TMEM150B: variants seen among roughly 807,000 people sequenced by gnomAD.
The protein encoded by TMEM150B is modulator of macroautophagy TMEM150B.
In TMEM150B, 33 loss-of-function variants were observed where a neutral mutation model predicts 25.2. The ratio of observed to expected loss-of-function variants is 1.31; its 90% CI spans 0.99 to 1.75. The LOEUF is 1.75. Among genes scored for constraint, TMEM150B ranks in the 40% most tolerant of loss-of-function variants. TMEM150B has a pLI of 0.00. For synonymous variants in TMEM150B, 133 were observed against 134.8 expected (o/e 0.99, Z 0.09); for missense variants, 322 against 306.1 (o/e 1.05, Z -0.39).
chr19:55,319,409 G>A (rs10420693), intron 6 of TMEM150B: 54,969 of 143,754 alleles, frequency 0.38, 11,080 homozygotes, highest in South Asian at 0.45. Flanking sequence ...CACAGAGCCC[G>A]GCCAGTAATT....
intron 6 of TMEM150B, among the ~76,000 whole-genome samples, chr19:55,318,397 T>C (rs2089076566): frequency 6.6e-6 from 1 of 151,172 alleles, no homozygotes. Flanking sequence ...TTTGGGAGGC[T>C]GAGGTGGGTG....
downstream of TMEM150B, among the ~76,000 whole-genome samples, chr19:55,310,020 G>A (rs2088748127): frequency 6.6e-6 from 1 of 152,228 alleles, no homozygotes; most frequent in East Asian, 1.9e-4. This position sits in a 1 kb window ranked among gnomAD's most constrained non-coding sequence, Gnocchi z 5.0. Context: ...AGCCAGGGCA[G>A]CTTTGGCCTT....
intron 6 of TMEM150B, among the ~76,000 whole-genome samples, chr19:55,317,608 T>C (rs905424463): frequency 2.6e-4 from 39 of 151,912 alleles, no homozygotes; most frequent in African/African-American, 8.4e-4. Context: ...GGTGAAACCC[T>C]GTCTCTACTA....
At chr19:55,314,804 T>G (rs1220902567) in intron 7 of TMEM150B, among the ~76,000 whole-genome samples, 1 of 152,186 alleles carries the variant, frequency 6.6e-6, no homozygotes, top group Non-Finnish European at 1.5e-5. Flanking sequence ...GAAGATACAC[T>G]TTGTCACTCC....
At chr19:55,323,795 G>A (rs753697348) in intron 1 of TMEM150B, among the ~76,000 whole-genome samples, 3 of 126,668 alleles carry the variant, frequency 2.4e-5, no homozygotes, top group South Asian at 2.7e-4. Context: ...GAGACACTGC[G>A]CCCAACCTTT....
At chr19:55,318,588 A>C (rs976811964) in intron 6 of TMEM150B, among the ~76,000 whole-genome samples, 6 of 152,190 alleles carry the variant, frequency 3.9e-5, no homozygotes, top group African/African-American at 1.4e-4. Flanking sequence ...GTGAGCCAAG[A>C]TCGCACTACT....
At chr19:55,324,917 C>T (rs2089295338) in intron 1 of TMEM150B, 2 of 984,662 alleles carry the variant, frequency 2.0e-6, no homozygotes, top group Admixed American at 6.1e-5. Flanking sequence ...AAGGAAGTCA[C>T]ACAAAGCTAT....
intron 7 of TMEM150B, among the ~76,000 whole-genome samples, chr19:55,315,821 G>C (rs922845394): frequency 2.0e-5 from 3 of 151,188 alleles, no homozygotes; most frequent in Non-Finnish European, 4.4e-5. Context: ...TCCCAGCTAC[G>C]TGGAAGGCTG....
intron 7 of TMEM150B, 90 bp from the exon 8 acceptor site, chr19:55,313,145 C>T (rs1236768683): frequency 7.4e-7 from 1 of 1,354,664 alleles, no homozygotes; most frequent in Non-Finnish European, 1.0e-6. Flanking sequence ...CGGAGGCCGT[C>T]TCTGGGTGTC....
Position 55,320,993 on chromosome 19 carries a change from C to T in TMEM150B, c.44G>A (p.Trp15Ter). ...LSLMPVFLAV[W>*]AISGVWIVFA... ...CACGATCCAGACGCCAGAGATAGCC[C>T]AGACAGCTAGGAAGACAGGCATCAG... is the stretch of plus-strand genomic sequence containing the variant. Residue 15 changes from tryptophan (W) to a stop codon, truncating the protein, a stop_gained, in exon 3 of 8, where the codon TGG (tryptophan) becomes TAG (stop). Transcript: ENST00000326652. LOFTEE classifies it high-confidence loss of function. The T allele has an allele frequency of 6.2e-7, 1 of 1,613,970 alleles. No individual in the cohort carries two copies. Among genetic ancestry groups the T allele is most frequent in the Non-Finnish European group, 8.5e-7 (1 of 1,179,914 alleles).
At chr19:55,311,110 T>C (rs1455297284), downstream of TMEM150B, among the ~76,000 whole-genome samples, 1 of 152,060 alleles carries the variant, frequency 6.6e-6, no homozygotes, top group Non-Finnish European at 1.5e-5. Flanking sequence ...TACAGGTGCG[T>C]GCCACCACAC....
chr19:55,320,078 A>C lies in TMEM150B; in HGVS notation c.285T>G (p.Leu95=). ...WPNQLILWTG[L]LCALGTSVVG... is the part of the protein sequence containing the mutation. The stretch of plus-strand genomic sequence containing the variant: ...CCACGGAGGTGCCCAGGGCACACAG[A>C]AGACCCGTCCATAGGATCAGCTGGT... Residue 95 remains leucine (L), a synonymous_variant, in exon 6 of 8, where the codon CTT becomes CTG. Transcript: ENST00000326652. The C allele has an allele frequency of 6.2e-7, 1 of 1,614,126 alleles. No individual in the cohort carries two copies. The highest frequency in any genetic ancestry group is 8.5e-7 in the Non-Finnish European group (1 of 1,180,020).
chr19:55,320,215 C>T (rs1326085365), intron 5 of TMEM150B, 49 bp from the exon 6 acceptor site: 3 of 1,596,578 alleles, frequency 1.9e-6, no homozygotes, highest in African/African-American at 2.7e-5. Flanking sequence ...ACCAAGAACT[C>T]CTGGGACCCA....
intron 7 of TMEM150B, 80 bp downstream of exon 7, chr19:55,316,706 C>T: frequency 2.3e-6 from 3 of 1,297,580 alleles, no homozygotes; most frequent in Non-Finnish European, 3.0e-6. Context: ...GAGACATCCC[C>T]AGTGACAGAC....
intron 7 of TMEM150B, among the ~76,000 whole-genome samples, chr19:55,315,156 A>G (rs1325391422): frequency 1.3e-5 from 2 of 151,698 alleles, no homozygotes; most frequent in Non-Finnish European, 2.9e-5. Context: ...TCTCTACTAA[A>G]AACACAAAAA....
intron 7 of TMEM150B, 147 bp from the exon 8 acceptor site, chr19:55,313,202 C>G (rs939968868): frequency 2.5e-6 from 2 of 806,120 alleles, no homozygotes; most frequent in African/African-American, 3.5e-5. Flanking sequence ...ACAGACGGGG[C>G]CTCGCCTTGG....
At chr19:55,322,454 C>G (rs968140711) in intron 2 of TMEM150B, among the ~76,000 whole-genome samples, 194 bp downstream of exon 2, 1 of 152,112 alleles carries the variant, frequency 6.6e-6, no homozygotes, top group African/African-American at 2.4e-5. Context: ...CTCTGGGCCC[C>G]CATTGGCTCT....
At position 55,323,427 on chromosome 19, in the gene TMEM150B, T is replaced by C. The variant is rs148322639; in HGVS notation, c.-153-684A>G. Among the ~76,000 whole-genome samples, 1,298 of 149,918 alleles carry C rather than the reference T, an allele frequency of 8.7e-3. 22 individuals are homozygous for C. Among genetic ancestry groups the C allele is most frequent in the African/African-American group, 0.03 (1,236 of 40,874 alleles). On this transcript the variant is annotated intron_variant, in intron 1 of 7. Transcript: ENST00000326652. ...AGCCTGGGTGACAAGAGCAAAACTCTGTCTCAGAAAAAAGAAAAAAAAAAT... is the reference window on the plus strand; with the variant it reads ...AGCCTGGGTGACAAGAGCAAAACTCCGTCTCAGAAAAAAGAAAAAAAAAAT...
chr19:55,312,964 T>C lies in TMEM150B; in HGVS notation c.597A>G (p.Leu199=), dbSNP rs7246479. 6 of 1,613,042 alleles carry C rather than the reference T, an allele frequency of 3.7e-6. No individual in the cohort carries two copies. The highest frequency in any genetic ancestry group is 5.1e-6 in the Non-Finnish European group (6 of 1,179,664). The part of the protein sequence containing the change: ...AMLLFALFGL[L]AVDFSALESC... ...TCTCCAGGGCGGAGAAGTCAACGGC[T>C]AAGAGACCGAAGAGCGCGAACAGCA... The change falls in exon 8 of 8, where the codon TTA becomes TTG. Residue 199 remains leucine, a synonymous_variant. Coordinates refer to ENST00000326652, the MANE Select transcript of TMEM150B (RefSeq NM_001282011.2).
Sources: gnomAD v4.1 joint callset for allele counts (sites outside exome capture counted in the v4.1 genomes callset) on GRCh38, gnomAD v4.1.1 for gene constraint, Gnocchi (gnomAD v3.1) non-coding constraint, MANE v1.5 for transcripts, NCBI Gene and HGNC (gene_info 2026-07-23, HGNC 2026-07-21) for gene names.